Variants in USP9Y observed in about 807,000 individuals in gnomAD.
USP9Y encodes ubiquitin carboxyl-terminal hydrolase 9Y.
USP9Y carries 41 observed loss-of-function variants against 53.1 expected under a neutral mutation model. The ratio of observed to expected loss-of-function variants is 0.77; its 90% CI spans 0.60 to 1.00. The LOEUF is 1.00. Ranked by LOEUF, USP9Y falls within the 50% of genes least tolerant of loss-of-function variation. USP9Y has a pLI of 0.00. For synonymous variants in USP9Y, 220 were observed against 173.7 expected, an observed-to-expected ratio of 1.27 and a Z score of -2.09; for missense variants, 567 against 535.8, an observed-to-expected ratio of 1.06 and a Z score of -0.58.
intron 33 of USP9Y, among the ~76,000 whole-genome samples, chrY:12,830,079 T>G (rs2053549706): frequency 2.9e-5 from 1 of 33,905 alleles, no homozygotes; most frequent in Non-Finnish European, 7.4e-5. Context: ...TCAGCAGTGC[T>G]AAATTGCTTG....
At chrY:12,826,399 A>G (rs2053546130) in intron 33 of USP9Y, among the ~76,000 whole-genome samples, 3 of 30,707 alleles carry the variant, frequency 9.8e-5, no homozygotes, top group Admixed American at 6.0e-4. Flanking sequence ...CCTGGCTAAC[A>G]TGGTGAAACC....
At chrY:12,772,082 A>G (rs2053486347) in intron 16 of USP9Y, among the ~76,000 whole-genome samples, 3 of 33,212 alleles carry the variant, frequency 9.0e-5, no homozygotes, top group African/African-American at 2.4e-4. Flanking sequence ...ACAGTACTAC[A>G]GTTAATCAAA....
intron 42 of USP9Y, among the ~76,000 whole-genome samples, chrY:12,853,348 G>A (rs758278338): frequency 5.8e-5 from 2 of 34,279 alleles, no homozygotes; most frequent in South Asian, 1.3e-3. Flanking sequence ...AGCCAGGCAT[G>A]GGAGAGAATC....
chrY:12,736,534 A>C lies in USP9Y; in HGVS notation c.1149A>C (p.Thr383=). 1 of 397,892 alleles carries C rather than the reference A, an allele frequency of 2.5e-6. No homozygotes were observed. Among genetic ancestry groups the C allele is most frequent in the Non-Finnish European group, 3.5e-6 (1 of 282,806 alleles). The change falls in exon 10 of 46, where the codon ACA becomes ACC. Residue 383 remains threonine, a synonymous_variant. Transcript: ENST00000338981. The part of the protein sequence containing the change: ...HSNPEEEEWL[T]AERMAEWIQQ... ...ATCCTGAGGAGGAAGAATGGCTGAC[A>C]GCTGAGCGAATGGCAGTAAGCCTCT...
chrY:12,846,958 C>T lies in USP9Y; in HGVS notation c.6780C>T (p.Phe2260=). ...GTAATCCCCCTCTCCCCAATCCTTTCGGTGACCTTAATTTATCACAGCCTA... is the reference window on the plus strand; with the variant it reads ...GTAATCCCCCTCTCCCCAATCCTTTTGGTGACCTTAATTTATCACAGCCTA... ...INGNPPLPNP[F]GDLNLSQPIM... The change falls in exon 41 of 46, where the codon TTC becomes TTT. Residue 2260 remains phenylalanine, a synonymous_variant. Coordinates refer to ENST00000338981, the MANE Select transcript of USP9Y (RefSeq NM_004654.4). The T allele has an allele frequency of 7.6e-6, 3 of 394,859 alleles. No homozygotes were observed. The highest frequency in any genetic ancestry group is 1.1e-5 in the Non-Finnish European group (3 of 281,430).
At chrY:12,785,332 T>C in intron 22 of USP9Y, among the ~76,000 whole-genome samples, 1 of 33,253 alleles carries the variant, frequency 3.0e-5, no homozygotes, top group East Asian at 7.8e-4. Context: ...TGTGGCAGAA[T>C]TGTTTTGTTT....
At chrY:12,757,030 C>G in intron 12 of USP9Y, among the ~76,000 whole-genome samples, 162 bp from the exon 13 acceptor site, 1 of 33,546 alleles carries the variant, frequency 3.0e-5, no homozygotes, top group Non-Finnish European at 7.4e-5. Context: ...GTTTCCTCTA[C>G]TAACACCTTT....
In USP9Y at chrY:12,859,363, G is replaced by C; in HGVS notation, c.7615G>C (p.Glu2539Gln). The change falls in exon 46 of 46, where the codon GAA becomes CAA. Residue 2539 changes from glutamate (E) to glutamine (Q), a missense_variant. Physicochemically the swap from Glu to Gln is conservative, Grantham distance 29. Coordinates refer to ENST00000338981, the MANE Select transcript of USP9Y (RefSeq NM_004654.4). ...TCAGAAAACAGGCCAACGAACACAA[G>C]AAAATTATGAAGGCAATGAAGAAGT... ...NPQKTGQRTQ[E>Q]NYEGNEEVSS... 2.5e-6 allele frequency: 1 copy of C among 397,896 alleles called. No individual in the cohort carries two copies. The highest frequency in any genetic ancestry group is 3.5e-6 in the Non-Finnish European group (1 of 283,225).
At chrY:12,734,523 T>C (rs950026815) in intron 7 of USP9Y, among the ~76,000 whole-genome samples, 15 of 33,605 alleles carry the variant, frequency 4.5e-4, no homozygotes, top group Non-Finnish European at 9.6e-4. Context: ...TTTGGAGTGT[T>C]TTAGTCCACA....
intron 5 of USP9Y, among the ~76,000 whole-genome samples, chrY:12,723,514 C>T: frequency 3.5e-5 from 1 of 28,648 alleles, no homozygotes; most frequent in Admixed American, 3.2e-4. Context: ...CTCAGCCTCC[C>T]GGTAGCTGGG....
At chrY:12,829,366 G>A in intron 33 of USP9Y, among the ~76,000 whole-genome samples, 1 of 34,187 alleles carries the variant, frequency 2.9e-5, no homozygotes, top group Admixed American at 2.7e-4. Context: ...AAAAGACTTC[G>A]CATTTTTCCC....
At chrY:12,841,557 A>C (rs2053561240) in intron 37 of USP9Y, among the ~76,000 whole-genome samples, 1 of 31,752 alleles carries the variant, frequency 3.1e-5, no homozygotes. Context: ...CAGTGTGGTG[A>C]CTCACACCTG....
At chrY:12,825,989 T>C (rs2053545779) in intron 33 of USP9Y, among the ~76,000 whole-genome samples, 4 of 30,894 alleles carry the variant, frequency 1.3e-4, no homozygotes, top group African/African-American at 5.2e-4. Context: ...CAGGCTGAAA[T>C]GCAATGGTGT....
At chrY:12,703,377 G>A (rs989713122) in intron 1 of USP9Y, among the ~76,000 whole-genome samples, 6 of 33,188 alleles carry the variant, frequency 1.8e-4, no homozygotes, top group African/African-American at 7.1e-4. Context: ...GATGGTGTTC[G>A]GAGTTTGTTC....
At chrY:12,834,907 A>G (rs2053553986) in intron 34 of USP9Y, among the ~76,000 whole-genome samples, 22 of 33,850 alleles carry the variant, frequency 6.5e-4, no homozygotes, top group Non-Finnish European at 2.2e-4. Context: ...AGTGTTACAT[A>G]TGCTTGCACA....
chrY:12,730,307 ACAGT>A (rs2053446154), intron 7 of USP9Y, among the ~76,000 whole-genome samples: 2 of 33,170 alleles, frequency 6.0e-5, no homozygotes, highest in East Asian at 7.8e-4. Flanking sequence ...TTTGCTTCAC[ACAGT>A]CAGCAGTTCT....
At chrY:12,706,035 GTTTA>G (rs2053419120) in intron 1 of USP9Y, among the ~76,000 whole-genome samples, 1 of 33,279 alleles carries the variant, frequency 3.0e-5, no homozygotes, top group African/African-American at 1.2e-4. Flanking sequence ...TTTGTGTTTT[GTTTA>G]TTTATTTTTT....
intron 12 of USP9Y, among the ~76,000 whole-genome samples, chrY:12,756,660 T>C: frequency 5.9e-5 from 2 of 33,855 alleles, no homozygotes; most frequent in Non-Finnish European, 1.5e-4. Flanking sequence ...ACATCTGTTT[T>C]ACCTTCACAA....
At chrY:12,703,074 T>C in intron 1 of USP9Y, among the ~76,000 whole-genome samples, 3 of 32,428 alleles carry the variant, frequency 9.3e-5, no homozygotes, top group African/African-American at 3.6e-4. Flanking sequence ...TATGACTTTT[T>C]TTTTTGACAG....
Sources: allele counts gnomAD v4.1 joint callset (sites outside exome capture counted in the v4.1 genomes callset), GRCh38; gene constraint gnomAD v4.1.1; transcripts MANE v1.5; gene names NCBI Gene and HGNC (gene_info 2026-07-23, HGNC 2026-07-21).